NUBPL: variants seen among roughly 807,000 people sequenced by gnomAD.
The protein encoded by NUBPL is NUBP iron-sulfur cluster assembly factor, mitochondrial.
NUBPL carries 31 observed loss-of-function variants against 45.7 expected under a neutral mutation model. The observed-to-expected ratio is 0.68, with a 90% CI of 0.51 to 0.92. The LOEUF is 0.92. Among genes scored for constraint, NUBPL ranks in the 40% least tolerant of loss-of-function variants. NUBPL has a pLI of 0.00. For missense variants in NUBPL, 401 were observed against 398.7 expected (o/e 1.01, Z -0.05); for synonymous variants, 144 against 140.9 (o/e 1.02, Z -0.15).
intron 6 of NUBPL, among the ~76,000 whole-genome samples, chr14:31,779,548 A>G (rs561191566): frequency 1.9e-4 from 29 of 152,260 alleles, no homozygotes; most frequent in African/African-American, 6.0e-4. Flanking sequence ...TTTGTCCCCA[A>G]TTCTGATATT....
At position 31,656,324 on chromosome 14, in the gene NUBPL, G is replaced by A. The variant is rs561006835; in HGVS notation, c.383-17031G>A. ...CTTTCTTTTTATTTATGTGTTCATGGGAGTAGCACTTTTAGTTTCTTACAA... is the reference window on the plus strand; with the variant it reads ...CTTTCTTTTTATTTATGTGTTCATGAGAGTAGCACTTTTAGTTTCTTACAA... On this transcript the variant is annotated intron_variant, in intron 4 of 10. Transcript: ENST00000281081. Among the ~76,000 whole-genome samples the A allele has an allele frequency of 4.6e-5, 7 of 152,178 alleles. No individual in the cohort carries two copies. In the South Asian group the frequency reaches 1.5e-3, roughly 32 times the overall value.
chr14:31,846,871 G>A (rs1220224390), intron 9 of NUBPL, among the ~76,000 whole-genome samples: 2 of 151,968 alleles, frequency 1.3e-5, no homozygotes, highest in Non-Finnish European at 2.9e-5. Context: ...CAGGAGAATG[G>A]CATGAACCCT....
intron 6 of NUBPL, among the ~76,000 whole-genome samples, chr14:31,745,301 G>A (rs1386623937): frequency 6.6e-6 from 1 of 152,028 alleles, no homozygotes; most frequent in Non-Finnish European, 1.5e-5. Context: ...AACATGTGAT[G>A]TTTGGTTTTT....
intron 7 of NUBPL, among the ~76,000 whole-genome samples, chr14:31,807,598 T>C (rs2039715224): frequency 6.6e-6 from 1 of 152,252 alleles, no homozygotes; most frequent in African/African-American, 2.4e-5. Flanking sequence ...TGGTAGTTTC[T>C]TTTGCTGTGC....
At chr14:31,651,807 G>C (rs2036013023) in intron 4 of NUBPL, among the ~76,000 whole-genome samples, 1 of 151,554 alleles carries the variant, frequency 6.6e-6, no homozygotes, top group Admixed American at 6.6e-5. Flanking sequence ...GCTGAGGTAG[G>C]AGAATGGCAT....
chr14:31,749,533 G>T (rs2038475779), intron 6 of NUBPL, among the ~76,000 whole-genome samples: 1 of 152,098 alleles, frequency 6.6e-6, no homozygotes, highest in Non-Finnish European at 1.5e-5. Context: ...ATTCTCTTCT[G>T]GTGGGTGAGC....
At chr14:31,773,627 C>T (rs1207450270) in intron 6 of NUBPL, among the ~76,000 whole-genome samples, 2 of 152,160 alleles carry the variant, frequency 1.3e-5, no homozygotes. Flanking sequence ...AGCTGCATCT[C>T]TATACCAATA....
rs540083746 is a variant in NUBPL, at chr14:31,579,513, G to A, written c.291+14465G>A. Among the ~76,000 whole-genome samples the A allele has an allele frequency of 2.1e-4, 32 of 152,246 alleles. No individual in the cohort carries two copies. The East Asian group carries it at 2.5e-3, about 12-fold the overall frequency. On this transcript the variant is annotated intron_variant, in intron 3 of 10. Coordinates refer to ENST00000281081, the MANE Select transcript of NUBPL (RefSeq NM_025152.3). Reference sequence around the variant, plus strand: ...ACAGAATAACAAATGCTAATTTTCCGTTTACCTACTTAGTGATGGAAAGGA... The same window carrying A: ...ACAGAATAACAAATGCTAATTTTCCATTTACCTACTTAGTGATGGAAAGGA...
intron 7 of NUBPL, among the ~76,000 whole-genome samples, chr14:31,799,209 G>T (rs1595644612): frequency 6.6e-6 from 1 of 151,994 alleles, no homozygotes; most frequent in Admixed American, 6.6e-5. Flanking sequence ...ATATTAGCTA[G>T]ATACAAGATA....
At chr14:31,820,633 G>A (rs571929649) in intron 7 of NUBPL, among the ~76,000 whole-genome samples, 1 of 152,048 alleles carries the variant, frequency 6.6e-6, no homozygotes, top group Admixed American at 6.5e-5. Context: ...AGGCCAGCCC[G>A]ACAAATAAGG....
At chr14:31,824,393 CTTA>C (rs1019127509) in intron 7 of NUBPL, among the ~76,000 whole-genome samples, 3 of 152,040 alleles carry the variant, frequency 2.0e-5, no homozygotes, top group African/African-American at 7.2e-5. Flanking sequence ...CCCATACTGA[CTTA>C]TTTTTATTAT....
At chr14:31,566,558 C>A (rs1044192481) in intron 3 of NUBPL, among the ~76,000 whole-genome samples, 6 of 151,898 alleles carry the variant, frequency 4.0e-5, no homozygotes, top group Non-Finnish European at 8.8e-5. Flanking sequence ...CTGAAGGACA[C>A]CCTTGAGTCC....
Position 31,565,029 on chromosome 14 carries a change from C to G in NUBPL, c.272C>G (p.Ala91Gly). 3.2e-6 allele frequency: 5 copies of G among 1,556,776 alleles called. No individual in the cohort carries two copies. Among genetic ancestry groups the G allele is most frequent in the Non-Finnish European group, 4.4e-6 (5 of 1,137,634 alleles). ...TTTCTTACAGTGAATCTTGCACTTG[C>G]ACTAGCAGCGAACGATTCGGTAGGT... ...KSTTAVNLALALAANDSSKAI... is the reference protein window; with the variant it reads ...KSTTAVNLALGLAANDSSKAI... Residue 91 changes from alanine to glycine, a missense_variant, in exon 3 of 11, where the codon GCA becomes GGA. Physicochemically the swap from Ala to Gly is moderately conservative, Grantham distance 60 (BLOSUM62 0). Coordinates refer to ENST00000281081, the MANE Select transcript of NUBPL (RefSeq NM_025152.3).
chr14:31,777,650 A>G (rs113512835), intron 6 of NUBPL, among the ~76,000 whole-genome samples: 1,619 of 152,340 alleles, frequency 0.011, 24 homozygotes, highest in African/African-American at 0.037. Context: ...ACGTCTGGAC[A>G]TTGGAAATTC....
intron 4 of NUBPL, among the ~76,000 whole-genome samples, chr14:31,648,850 C>T (rs1043621153): frequency 1.3e-5 from 2 of 152,196 alleles, no homozygotes; most frequent in Non-Finnish European, 2.9e-5. Flanking sequence ...CGTGTTTTCG[C>T]CAGGCTGGAG....
At chr14:31,621,175 C>T (rs1291542831) in intron 4 of NUBPL, among the ~76,000 whole-genome samples, 1 of 152,178 alleles carries the variant, frequency 6.6e-6, no homozygotes, top group Non-Finnish European at 1.5e-5. Context: ...GACTGCTGTG[C>T]TGGCATGAGA....
rs1193881122 is a variant in NUBPL at position 31,859,703 on chromosome 14, T to C, written c.*523T>C. 6.0e-6 allele frequency: 1 copy of C among 167,126 alleles called. No individual in the cohort carries two copies. The highest frequency in any genetic ancestry group is 1.3e-5 in the Non-Finnish European group (1 of 75,582). The allele number at this position is 167,126 out of a possible 1,614,324, so 10.4% of individuals were successfully genotyped here. On this transcript the variant is annotated 3_prime_UTR_variant, in exon 11 of 11. Coordinates refer to ENST00000281081, the MANE Select transcript of NUBPL (RefSeq NM_025152.3). ...CTTAATGAATTTCAGTCTCCAGGAG[T>C]GGAGCCTGAACATATGTATTTTTAG...
chr14:31,610,627 A>G (rs76141873), intron 4 of NUBPL, among the ~76,000 whole-genome samples: 18 of 150,028 alleles, frequency 1.2e-4, no homozygotes, highest in South Asian at 2.1e-4. Flanking sequence ...AAAAAAAAAA[A>G]AAAGAAAGAA....
chr14:31,651,533 C>A (rs1314044126), intron 4 of NUBPL, among the ~76,000 whole-genome samples: 1 of 152,096 alleles, frequency 6.6e-6, no homozygotes, highest in Admixed American at 6.6e-5. Flanking sequence ...TATTTTTAAA[C>A]CACACATCTG....
Sources: allele counts gnomAD v4.1 joint callset (sites outside exome capture counted in the v4.1 genomes callset), GRCh38; gene constraint gnomAD v4.1.1; transcripts MANE v1.5; gene names NCBI Gene and HGNC (gene_info 2026-07-23, HGNC 2026-07-21).